RGS14: variants seen among roughly 807,000 people sequenced by gnomAD.
RGS14 encodes the protein regulator of G protein signaling 14.
RGS14 carries 33 observed loss-of-function variants against 63.8 expected under a neutral mutation model. That is an observed-to-expected ratio of 0.52 (90% CI 0.39 to 0.69). The LOEUF (loss-of-function observed/expected upper bound fraction) is 0.69. Among genes scored for constraint, RGS14 ranks in the 30% least tolerant of loss-of-function variants. The pLI is 0.00. For missense variants in RGS14, 739 were observed against 742.9 expected, an observed-to-expected ratio of 0.99 and a Z score of 0.06; for synonymous variants, 296 against 320.9, an observed-to-expected ratio of 0.92 and a Z score of 0.83.
Position 177,372,211 on chromosome 5 carries a change from G to A in RGS14, c.*136G>A, listed in dbSNP as rs572270532. ...CATGGGCAGGCCCGCAGGAAGAGCC[G>A]GTAGGGGTGGAAAGGGGACTCAGAT... On this transcript the variant is annotated 3_prime_UTR_variant, in exon 15 of 15. Transcript: ENST00000408923. 1.5e-4 allele frequency: 132 copies of A among 859,534 alleles called. 1 individual carries two copies. The highest frequency in any genetic ancestry group is 1.5e-3 in the South Asian group (93 of 60,754). 53.2% of individuals were successfully genotyped at this position (859,534 alleles called of 1,614,324 possible).
chr5:177,372,364 G>A lies in RGS14; in HGVS notation c.*289G>A, dbSNP rs1283529441. 6 of 390,598 alleles carry A rather than the reference G, an allele frequency of 1.5e-5. No individual in the cohort carries two copies. Among genetic ancestry groups the A allele is most frequent in the Non-Finnish European group, 1.8e-5 (4 of 216,574 alleles). 24.2% of individuals were successfully genotyped at this position (390,598 alleles called of 1,614,324 possible). A position where few individuals can be genotyped will look rare whatever the true frequency, so the allele number is the denominator to read the frequency against. On this transcript the variant is annotated 3_prime_UTR_variant, in exon 15 of 15. Coordinates refer to ENST00000408923, the MANE Select transcript of RGS14 (RefSeq NM_006480.5). ...CAGGCTTGCCCAACATGGAGGGATG[G>A]CGTTGGCAGTGCCAGCCTCCCCAGC... is the stretch of plus-strand genomic sequence containing the variant.
Position 177,372,136 on chromosome 5 carries a change from C to A in RGS14, c.*61C>A. 1 of 1,477,000 alleles carries A rather than the reference C, an allele frequency of 6.8e-7. No homozygotes were observed. Among genetic ancestry groups the A allele is most frequent in the Non-Finnish European group, 9.4e-7 (1 of 1,068,588 alleles). The allele number at this position is 1,477,000 out of a possible 1,614,324, so 91.5% of individuals were successfully genotyped here. On this transcript the variant is annotated 3_prime_UTR_variant, in exon 15 of 15. Coordinates refer to ENST00000408923, the MANE Select transcript of RGS14 (RefSeq NM_006480.5). ...CCGGCGGGCCGAGCATGCCATGGGTCCGCTCTGCATGCCCTGTCTGTGCCA... is the reference window on the plus strand; with the variant it reads ...CCGGCGGGCCGAGCATGCCATGGGTACGCTCTGCATGCCCTGTCTGTGCCA...
intron 1 of RGS14, among the ~76,000 whole-genome samples, chr5:177,362,293 C>T (rs1234350231): frequency 4.6e-5 from 7 of 152,200 alleles, no homozygotes; most frequent in African/African-American, 1.7e-4. Flanking sequence ...GGATGGAGAG[C>T]TACAGGTGGC....
Position 177,370,575 on chromosome 5 carries a change from C to T in RGS14, c.1054-16C>T, listed in dbSNP as rs749613948. ...TGGGGGAGGGACTCTTAGACCCTGCCTGGCATCCACAGAAGGCCCTGGTCC... is the reference window on the plus strand; with the variant it reads ...TGGGGGAGGGACTCTTAGACCCTGCTTGGCATCCACAGAAGGCCCTGGTCC... On this transcript the variant is annotated splice_polypyrimidine_tract_variant and intron_variant, in intron 9 of 14. Coordinates refer to ENST00000408923, the MANE Select transcript of RGS14 (RefSeq NM_006480.5). 1 of 1,613,250 alleles carries T rather than the reference C, an allele frequency of 6.2e-7. No individual in the cohort carries two copies. Among genetic ancestry groups the T allele is most frequent in the South Asian group, 1.1e-5 (1 of 91,080 alleles).
Position 177,366,237 on chromosome 5 carries a change from T to G in RGS14, c.128T>G (p.Ile43Ser). Reference protein sequence around the residue: ...QGEGRGSSLSIHSLPSGPSSP... With the variant: ...QGEGRGSSLSSHSLPSGPSSP... ...GAGGGCCGCGGCAGCTCTCTCAGCA[T>G]CCACAGCCTCCCCAGTGGTCCCAGC... The change falls in exon 3 of 15, where the codon ATC becomes AGC. Residue 43 changes from isoleucine (I) to serine (S), a missense_variant. Transcript: ENST00000408923. 1 of 1,593,720 alleles carries G rather than the reference T, an allele frequency of 6.3e-7. No homozygotes were observed. The highest frequency in any genetic ancestry group is 8.5e-7 in the Non-Finnish European group (1 of 1,171,306).
At chr5:177,368,952 T>G in intron 9 of RGS14, 32 bp downstream of exon 9, 1 of 1,590,182 alleles carries the variant, frequency 6.3e-7, no homozygotes, top group South Asian at 1.1e-5. Flanking sequence ...AACTCTAACC[T>G]CCTTCCTGAT....
At position 177,368,179 on chromosome 5, in the gene RGS14, C is replaced by T. The variant is rs1762151138; in HGVS notation, c.762C>T (p.Ala254=). The T allele has an allele frequency of 3.7e-6, 6 of 1,613,698 alleles. No individual in the cohort carries two copies. Among genetic ancestry groups the T allele is most frequent in the Non-Finnish European group, 5.1e-6 (6 of 1,179,890 alleles). ...TAGAGCTGGGCGGGACTGCAAACGCCGCCTTGCGCCGAGAGTCTCAGGGCT... is the reference window on the plus strand; with the variant it reads ...TAGAGCTGGGCGGGACTGCAAACGCTGCCTTGCGCCGAGAGTCTCAGGGCT... ...FRRELGGTAN[A]ALRRESQGSL... Residue 254 remains alanine (A), a synonymous_variant, in exon 8 of 15, where the codon GCC becomes GCT. Transcript: ENST00000408923.
rs550989355 is a variant in RGS14 at position 177,372,312 on chromosome 5, G to A, written c.*237G>A. On this transcript the variant is annotated 3_prime_UTR_variant, in exon 15 of 15. Coordinates refer to ENST00000408923, the MANE Select transcript of RGS14 (RefSeq NM_006480.5). The stretch of plus-strand genomic sequence containing the variant: ...CAATCCCTTGCAGCCAGGCCACAAT[G>A]GGGGAGGTGAGTCCAGCCCCTTGGA... 2.2e-5 allele frequency: 12 copies of A among 536,412 alleles called. No individual in the cohort carries two copies. In the East Asian group the frequency reaches 3.1e-4, roughly 14 times the overall value. 33.2% of individuals were successfully genotyped at this position (536,412 alleles called of 1,614,324 possible). A position where few individuals can be genotyped will look rare whatever the true frequency, so the allele number is the denominator to read the frequency against.
intron 9 of RGS14, among the ~76,000 whole-genome samples, chr5:177,369,814 C>T (rs953483527): frequency 2.0e-5 from 3 of 152,216 alleles, no homozygotes; most frequent in Non-Finnish European, 2.9e-5. Context: ...GCCGCTAGGG[C>T]GGCTGCCAGC....
Position 177,358,664 on chromosome 5 carries a change from G to A in RGS14, c.45+595G>A, listed in dbSNP as rs1036554730. ...AAGGGCTGAGCACTAAGATCCCCCT[G>A]GCTGCAGCTGCCCCACCCCTTAACC... On this transcript the variant is annotated intron_variant, in intron 1 of 14. Coordinates refer to ENST00000408923, the MANE Select transcript of RGS14 (RefSeq NM_006480.5). The surrounding 1 kb of genome is among the most constrained non-coding windows in gnomAD (Gnocchi z 4.8). Among the ~76,000 whole-genome samples, 1 of 152,222 alleles carries A rather than the reference G, an allele frequency of 6.6e-6. No individual in the cohort carries two copies. Among genetic ancestry groups the A allele is most frequent in the African/African-American group, 2.4e-5 (1 of 41,446 alleles).
Position 177,358,010 on chromosome 5 carries a change from C to A in RGS14, c.-15C>A, listed in dbSNP as rs772393371. ...TGGGCAGCCCCCGCGGCGGGGACCC[C>A]TGATCGGCAGCGGCATGCCAGGGAA... On this transcript the variant is annotated 5_prime_UTR_variant, in exon 1 of 15. In the 5' UTR this introduces an upstream ATG that the reference lacks. Coordinates refer to ENST00000408923, the MANE Select transcript of RGS14 (RefSeq NM_006480.5). This position sits in a 1 kb window ranked among gnomAD's most constrained non-coding sequence, Gnocchi z 4.8. 2 of 1,356,488 alleles carry A rather than the reference C, an allele frequency of 1.5e-6. No individual in the cohort carries two copies. The highest frequency in any genetic ancestry group is 1.8e-5 in the South Asian group (1 of 55,632). 84.0% of individuals were successfully genotyped at this position (1,356,488 alleles called of 1,614,324 possible). A position where few individuals can be genotyped will look rare whatever the true frequency, so the allele number is the denominator to read the frequency against.
chr5:177,367,134 A>G, intron 5 of RGS14, 100 bp downstream of exon 5: 1 of 1,452,702 alleles, frequency 6.9e-7, no homozygotes, highest in Non-Finnish European at 9.3e-7. Context: ...CGGAGGGGGC[A>G]AATTTGGAGG....
In RGS14 at chr5:177,370,894, G is replaced by T; in HGVS notation, c.1128-11G>T. The T allele has an allele frequency of 1.2e-6, 2 of 1,600,712 alleles. No homozygotes were observed. The highest frequency in any genetic ancestry group is 1.3e-5 in the African/African-American group (1 of 74,950). ...CCCTCCGGCCCTCTGCTGCCCGAGG[G>T]TTCCTCGCAGGCTGGAGCTGACGGC... On this transcript the variant is annotated splice_polypyrimidine_tract_variant and intron_variant, in intron 10 of 14. Transcript: ENST00000408923.
chr5:177,362,868 G>A (rs2127327312), intron 1 of RGS14, among the ~76,000 whole-genome samples: 1 of 152,306 alleles, frequency 6.6e-6, no homozygotes. Context: ...GCAGAACGTG[G>A]AAAATAAACC....
At chr5:177,360,296 C>T (rs756195829) in intron 1 of RGS14, among the ~76,000 whole-genome samples, 2 of 152,104 alleles carry the variant, frequency 1.3e-5, no homozygotes, top group African/African-American at 4.8e-5. Context: ...GGTGAAAATA[C>T]CAGGCAGTGG....
chr5:177,371,889 G>A lies in RGS14; in HGVS notation c.1515G>A (p.Leu505=). 6.2e-7 allele frequency: 1 copy of A among 1,613,136 alleles called. No homozygotes were observed. Among genetic ancestry groups the A allele is most frequent in the East Asian group, 2.2e-5 (1 of 44,882 alleles). Residue 505 remains leucine, a synonymous_variant, in exon 15 of 15, where the codon CTG becomes CTA. Transcript: ENST00000408923. The surrounding 1 kb of genome is among the most constrained non-coding windows in gnomAD (Gnocchi z 6.1). ...TCDIEGLVEL[L]NRVQSSGAHD... The stretch of plus-strand genomic sequence containing the variant: ...TGCCTCCAGGCCTGGTGGAGCTGCT[G>A]AACCGGGTGCAGAGCAGCGGGGCCC...
At position 177,368,785 on chromosome 5, in the gene RGS14, G is replaced by T. The variant is rs751094859; in HGVS notation, c.918G>T (p.Val306=). 9 of 1,614,246 alleles carry T rather than the reference G, an allele frequency of 5.6e-6. No individual in the cohort carries two copies. The South Asian group carries it at 6.6e-5, about 12-fold the overall frequency. Residue 306 remains valine (V), a synonymous_variant, in exon 9 of 15, where the codon GTG becomes GTT. Coordinates refer to ENST00000408923, the MANE Select transcript of RGS14 (RefSeq NM_006480.5). ...SESRPGKYCC[V]YLPDGTASLA... ...GCCGGCCAGGGAAGTACTGCTGTGT[G>T]TACCTGCCCGATGGCACAGCCTCCT...
intron 9 of RGS14, among the ~76,000 whole-genome samples, chr5:177,369,931 C>T (rs936014349): frequency 6.6e-6 from 1 of 152,228 alleles, no homozygotes; most frequent in Admixed American, 6.5e-5. Flanking sequence ...TGCCCCCAAC[C>T]CCCACATCAG....
At position 177,371,444 on chromosome 5, in the gene RGS14, C is replaced by G; in HGVS notation, c.1384-31C>G. ...CTTCCACCCTCTGCTTCTCCCCTCC[C>G]GATTTTGGCTCTGACCCCAAATTCT... On this transcript the variant is annotated intron_variant, in intron 13 of 14. Coordinates refer to ENST00000408923, the MANE Select transcript of RGS14 (RefSeq NM_006480.5). This position sits in a 1 kb window ranked among gnomAD's most constrained non-coding sequence, Gnocchi z 6.1. The G allele has an allele frequency of 6.2e-7, 1 of 1,614,116 alleles. No individual in the cohort carries two copies. Among genetic ancestry groups the G allele is most frequent in the Non-Finnish European group, 8.5e-7 (1 of 1,179,968 alleles).
Sources: gnomAD v4.1 joint callset for allele counts (sites outside exome capture counted in the v4.1 genomes callset) on GRCh38, gnomAD v4.1.1 for gene constraint, Gnocchi (gnomAD v3.1) non-coding constraint, MANE v1.5 for transcripts, NCBI Gene and HGNC (gene_info 2026-07-23, HGNC 2026-07-21) for gene names.